CTBP1: variants seen among roughly 807,000 people sequenced by gnomAD.
CTBP1 encodes C-terminal binding protein 1, also known as C-terminal-binding protein 1.
Under a neutral mutation model 42.1 loss-of-function variants are expected in CTBP1, and 11 were observed. That is an observed-to-expected ratio of 0.26 (90% CI 0.16 to 0.43). The LOEUF (loss-of-function observed/expected upper bound fraction) is 0.43. CTBP1 is among the 20% of genes least tolerant of loss of function. The pLI, the probability that CTBP1 is intolerant of heterozygous loss-of-function variation, is 1.00. For missense variants in CTBP1, 399 were observed against 624.3 expected (o/e 0.64, Z 3.85); for synonymous variants, 324 against 277.1 (o/e 1.17, Z -1.68).
chr4:1,212,282 G>A lies in CTBP1; in HGVS notation c.1248C>T (p.Val416=), dbSNP rs1728614514. 1 of 1,532,978 alleles carries A rather than the reference G, an allele frequency of 6.5e-7. No homozygotes were observed. Among genetic ancestry groups the A allele is most frequent in the Admixed American group, 2.1e-5 (1 of 48,012 alleles). The allele number at this position is 1,532,978 out of a possible 1,614,324, so 95.0% of individuals were successfully genotyped here. A position where few individuals can be genotyped will look rare whatever the true frequency, so the allele number is the denominator to read the frequency against. ...CGTGGTCTCTATCCGCCTCGGGCTT[G>A]ACGGTTTGGCCAGGAGAAGGGGCGT... ...PPHAPSPGQT[V]KPEADRDHAS... The change falls in exon 10 of 10, where the codon GTC becomes GTT. Residue 416 remains valine, a synonymous_variant. Transcript: ENST00000382952.
At chr4:1,239,565 A>G (rs1273213290) in intron 2 of CTBP1, among the ~76,000 whole-genome samples, 1 of 152,206 alleles carries the variant, frequency 6.6e-6, no homozygotes, top group Non-Finnish European at 1.5e-5. Context: ...AGTATCCAGG[A>G]AGCAGGGAAG....
At chr4:1,247,503 G>C (rs1022799038) in intron 1 of CTBP1, among the ~76,000 whole-genome samples, 2 of 152,278 alleles carry the variant, frequency 1.3e-5, no homozygotes, top group Admixed American at 1.3e-4. Context: ...CCAGGGCAGA[G>C]CCACGCCCTA....
At chr4:1,248,378 G>A (rs1377214839) in intron 1 of CTBP1, among the ~76,000 whole-genome samples, 1 of 151,170 alleles carries the variant, frequency 6.6e-6, no homozygotes, top group Non-Finnish European at 1.5e-5. Context: ...CCCGCGCCCC[G>A]TCCCCTTCCC....
chr4:1,222,210 G>A (rs1292220205), intron 5 of CTBP1, among the ~76,000 whole-genome samples: 4 of 152,206 alleles, frequency 2.6e-5, no homozygotes, highest in African/African-American at 9.6e-5. Context: ...GCGAGGGGCG[G>A]GGCGGGGGAC....
intron 1 of CTBP1, chr4:1,242,213 G>A (rs1732250458): frequency 1.0e-6 from 1 of 985,420 alleles, no homozygotes; most frequent in Non-Finnish European, 1.2e-6. Context: ...CCCTGAGAGG[G>A]CCAAGCCTTC....
intron 3 of CTBP1, chr4:1,236,467 G>T: frequency 1.7e-6 from 1 of 580,666 alleles, no homozygotes. Flanking sequence ...CACAAAAGCT[G>T]GCATCCCGAG....
intron 6 of CTBP1, among the ~76,000 whole-genome samples, chr4:1,215,022 GC>G (rs1161945030): frequency 5.9e-5 from 9 of 152,298 alleles, no homozygotes; most frequent in South Asian, 2.1e-4. Context: ...CTTTCCTGCA[GC>G]CCCCCCATTT....
chr4:1,213,775 C>G, intron 7 of CTBP1, 170 bp from the exon 8 acceptor site: 2 of 786,910 alleles, frequency 2.5e-6, no homozygotes, highest in Non-Finnish European at 1.9e-6. Flanking sequence ...AGCCCCGGGA[C>G]CATCAGACAC....
At chr4:1,223,529 CG>C in intron 5 of CTBP1, 1 of 455,478 alleles carries the variant, frequency 2.2e-6, no homozygotes, top group South Asian at 1.5e-5. Flanking sequence ...GTTTGGGAAG[CG>C]GGGGGCCGGC....
In CTBP1 at chr4:1,212,261, G is replaced by T; in HGVS notation, c.1269C>A (p.Asp423Glu). ...CGGGCTACAACTGGTCACTGGCGTG[G>T]TCTCTATCCGCCTCGGGCTTGACGG... ...GQTVKPEADR[D>E]HASDQL The change falls in exon 10 of 10, where the codon GAC becomes GAA. Residue 423 changes from aspartate to glutamate, a missense_variant. Transcript: ENST00000382952. The T allele has an allele frequency of 6.6e-7, 1 of 1,506,862 alleles. No individual in the cohort carries two copies. 93.3% of individuals were successfully genotyped at this position (1,506,862 alleles called of 1,614,324 possible).
Position 1,212,379 on chromosome 4 carries a change from G to T in CTBP1, c.1151C>A (p.Ala384Asp). Residue 384 changes from alanine (A) to aspartate (D), a missense_variant, in exon 10 of 10, where the codon GCT (alanine) becomes GAT (aspartate). Physicochemically the swap from Ala to Asp is moderately radical, Grantham distance 126 (BLOSUM62 -2). Around this residue, in one of 4 missense-constraint regions of CTBP1, gnomAD observed 309 missense variants for 497.5 expected, o/e 0.62. Coordinates refer to ENST00000382952, the MANE Select transcript of CTBP1 (RefSeq NM_001012614.2). ...VVGVAPTGIP[A>D]AVEGIVPSAM... is the part of the protein sequence containing the mutation. Reference sequence around the variant, plus strand: ...GCTGGGGACGATACCTTCCACAGCAGCTGGGATGCCAGTGGGGGCCACGCC... The same window carrying T: ...GCTGGGGACGATACCTTCCACAGCATCTGGGATGCCAGTGGGGGCCACGCC... The T allele has an allele frequency of 6.7e-7, 1 of 1,499,864 alleles. No individual in the cohort carries two copies. The highest frequency in any genetic ancestry group is 1.3e-5 in the South Asian group (1 of 76,912). 92.9% of individuals were successfully genotyped at this position (1,499,864 alleles called of 1,614,324 possible).
chr4:1,243,043 CATT>C, intron 1 of CTBP1: 1 of 985,422 alleles, frequency 1.0e-6, no homozygotes, highest in Non-Finnish European at 1.2e-6. Context: ...GGCCAATACT[CATT>C]GATACCGGCT....
At position 1,233,013 on chromosome 4, in the gene CTBP1, G is replaced by A. The variant is rs1731121319; in HGVS notation, c.163-4670C>T. 6.5e-6 allele frequency: 1 copy of A among 152,724 alleles called. No individual in the cohort carries two copies. The highest frequency in any genetic ancestry group is 1.5e-5 in the Non-Finnish European group (1 of 68,474). The allele number at this position is 152,724 out of a possible 1,614,324, so 9.5% of individuals were successfully genotyped here. A position where few individuals can be genotyped will look rare whatever the true frequency, so the allele number is the denominator to read the frequency against. On this transcript the variant is annotated intron_variant, in intron 3 of 9. Transcript: ENST00000382952. This position sits in a 1 kb window ranked among gnomAD's most constrained non-coding sequence, Gnocchi z 4.6. ...TCTTCTAGACCTGAGAGGGGGTCCT[G>A]GGGTCTGGACATGCCCTGCGGGGGT...
At chr4:1,225,594 C>G in intron 4 of CTBP1, 28 bp from the exon 5 acceptor site, 1 of 1,529,376 alleles carries the variant, frequency 6.5e-7, no homozygotes, top group Non-Finnish European at 8.8e-7. Context: ...CGGCGGTCAC[C>G]CCCGGGCCGG....
upstream of CTBP1, chr4:1,249,508 C>CAG (rs1448927548): frequency 2.6e-4 from 46 of 175,260 alleles, 1 homozygote; most frequent in Non-Finnish European, 3.9e-4. Context: ...GCCGCAGCCG[C>CAG]CCCGCTCCCT....
chr4:1,228,089 A>T, intron 4 of CTBP1, 110 bp downstream of exon 4: 1 of 1,453,418 alleles, frequency 6.9e-7, no homozygotes, highest in Non-Finnish European at 9.4e-7. Flanking sequence ...CAGCCACACC[A>T]GGCAATGTGC....
In CTBP1 at chr4:1,233,388, G is replaced by A. The variant is rs540828865; in HGVS notation, c.162+4795C>T. Among the ~76,000 whole-genome samples, 28 of 152,316 alleles carry A rather than the reference G, an allele frequency of 1.8e-4. No homozygotes were observed. Among genetic ancestry groups the A allele is most frequent in the Admixed American group, 7.2e-4 (11 of 15,308 alleles). ...CTGGTGGCCTCCCCACCCCCAAGGC[G>A]TGGAGATGCTTGTCTTGCAGGAGTG... On this transcript the variant is annotated intron_variant, in intron 3 of 9. Coordinates refer to ENST00000382952, the MANE Select transcript of CTBP1 (RefSeq NM_001012614.2). The surrounding 1 kb of genome is among the most constrained non-coding windows in gnomAD (Gnocchi z 4.6).
intron 4 of CTBP1, 124 bp from the exon 5 acceptor site, chr4:1,225,690 AAGGCCACCCCGGG>A (rs1730260956): frequency 1.9e-6 from 2 of 1,059,756 alleles, no homozygotes; most frequent in South Asian, 3.3e-5. Context: ...CCGTGTCCCC[AAGGCCACCCCGGG>A]AGGCCACGAG....
rs1342700551 is a variant in CTBP1, at chr4:1,225,618, G to A, written c.308-52C>T. The A allele has an allele frequency of 2.7e-6, 4 of 1,499,242 alleles. No homozygotes were observed. The African/African-American group carries it at 4.2e-5, about 16-fold the overall frequency. The allele number at this position is 1,499,242 out of a possible 1,614,324, so 92.9% of individuals were successfully genotyped here. On this transcript the variant is annotated intron_variant, in intron 4 of 9. Transcript: ENST00000382952. ...CCCCCGGGCCGGGCCCAGCCTCCGGGAGGACACCGGGGCCGCCGTGACTGG... is the reference window on the plus strand; with the variant it reads ...CCCCCGGGCCGGGCCCAGCCTCCGGAAGGACACCGGGGCCGCCGTGACTGG...
Sources: allele counts gnomAD v4.1 joint callset (sites outside exome capture counted in the v4.1 genomes callset), GRCh38; gene constraint gnomAD v4.1.1; regional missense constraint gnomAD v4.1.1; non-coding constraint Gnocchi (gnomAD v3.1); transcripts MANE v1.5; gene names NCBI Gene and HGNC (gene_info 2026-07-23, HGNC 2026-07-21).